Variants in MAX observed in about 807,000 individuals in gnomAD.
The protein encoded by MAX is protein max.
Under a neutral mutation model 22.3 loss-of-function variants are expected in MAX, and 3 were observed. The observed-to-expected ratio is 0.13, with a 90% CI of 0.06 to 0.35. The LOEUF is 0.35. MAX is among the 10% of genes least tolerant of loss of function. The pLI is 1.00. For synonymous variants in MAX, 72 were observed against 77.7 expected (o/e 0.93, Z 0.39); for missense variants, 119 against 209.4 (o/e 0.57, Z 2.66).
Position 65,076,314 on chromosome 14 carries a change from T to C in MAX, c.*162A>G. Reference sequence around the variant, plus strand: ...AAATGGGGAAGGAGAACGAGAGCTGTTGTCCAAGAGCTTCTACGTAAAAAT... The same window carrying C: ...AAATGGGGAAGGAGAACGAGAGCTGCTGTCCAAGAGCTTCTACGTAAAAAT... On this transcript the variant is annotated 3_prime_UTR_variant, in exon 5 of 5. Transcript: ENST00000358664. The surrounding 1 kb of genome is among the most constrained non-coding windows in gnomAD (Gnocchi z 6.6). 1 of 1,483,490 alleles carries C rather than the reference T, an allele frequency of 6.7e-7. No individual in the cohort carries two copies. Among genetic ancestry groups the C allele is most frequent in the South Asian group, 1.3e-5 (1 of 75,184 alleles). 91.9% of individuals were successfully genotyped at this position (1,483,490 alleles called of 1,614,324 possible).
At chr14:65,022,071 A>G (rs1487603621) in intron 3 of MAX, 3 of 455,950 alleles carry the variant, frequency 6.6e-6, no homozygotes, top group Non-Finnish European at 1.3e-5. Context: ...CCCGGAATCA[A>G]CAAGAGATGC....
intron 3 of MAX, chr14:65,061,639 G>C: frequency 4.1e-6 from 1 of 241,528 alleles, no homozygotes; most frequent in Non-Finnish European, 8.4e-6. Flanking sequence ...TGGCATCTGA[G>C]TATTACGGCA....
In MAX at chr14:65,088,159, T is replaced by C. The variant is rs371725453; in HGVS notation, c.171+5549A>G. ...TAAATTGCCCAGTCTCAGGTATGTCTTTATCAGCAGCACGAAAACGGACTA... is the reference window on the plus strand; with the variant it reads ...TAAATTGCCCAGTCTCAGGTATGTCCTTATCAGCAGCACGAAAACGGACTA... On this transcript the variant is annotated intron_variant, in intron 3 of 4. Transcript: ENST00000358664. This position sits in a 1 kb window ranked among gnomAD's most constrained non-coding sequence, Gnocchi z 5.2. 6.6e-6 allele frequency among the ~76,000 whole-genome samples: 1 copy of C among 152,258 alleles called. No individual in the cohort carries two copies. The highest frequency in any genetic ancestry group is 6.5e-5 in the Admixed American group (1 of 15,302).
downstream of MAX, among the ~76,000 whole-genome samples, chr14:65,073,851 T>C (rs2063012796): frequency 2.0e-5 from 3 of 152,202 alleles, no homozygotes; most frequent in Admixed American, 2.0e-4. Context: ...CCGCTCACCA[T>C]GTCAATCAGG....
Position 65,076,114 on chromosome 14 carries a change from T to G in MAX, c.*362A>C. The G allele has an allele frequency of 2.3e-6, 3 of 1,280,380 alleles. No homozygotes were observed. The highest frequency in any genetic ancestry group is 2.0e-6 in the Non-Finnish European group (2 of 1,011,298). The allele number at this position is 1,280,380 out of a possible 1,614,324, so 79.3% of individuals were successfully genotyped here. On this transcript the variant is annotated 3_prime_UTR_variant, in exon 5 of 5. Transcript: ENST00000358664. This position sits in a 1 kb window ranked among gnomAD's most constrained non-coding sequence, Gnocchi z 6.6. The stretch of plus-strand genomic sequence containing the variant: ...GGGCAGGGCAGGCGTCCCCCGGGCA[T>G]GTGCCCGGCAGGGCTGGAGGAGCTG...
At chr14:65,085,662 G>C (rs1209234888) in intron 3 of MAX, among the ~76,000 whole-genome samples, 2 of 152,166 alleles carry the variant, frequency 1.3e-5, no homozygotes, top group Non-Finnish European at 2.9e-5. Flanking sequence ...TCAAGGGAGA[G>C]TTCTAAGGGA....
At position 65,077,989 on chromosome 14, in the gene MAX, A is replaced by G. The variant is rs1193255946; in HGVS notation, c.219T>C (p.Tyr73=). 1.2e-6 allele frequency: 2 copies of G among 1,614,006 alleles called. No homozygotes were observed. Among genetic ancestry groups the G allele is most frequent in the Non-Finnish European group, 1.7e-6 (2 of 1,180,028 alleles). ...GGTGTGTGTGGTTTTTCCTTCGCATATACTGGATATATTCTGTGGCTTTGT... is the reference window on the plus strand; with the variant it reads ...GGTGTGTGTGGTTTTTCCTTCGCATGTACTGGATATATTCTGTGGCTTTGT... ...ILDKATEYIQ[Y]MRRKNHTHQQ... Residue 73 remains tyrosine (Y), a synonymous_variant, in exon 4 of 5, where the codon TAT becomes TAC. Coordinates refer to ENST00000358664, the MANE Select transcript of MAX (RefSeq NM_002382.5). This position sits in a 1 kb window ranked among gnomAD's most constrained non-coding sequence, Gnocchi z 6.3.
Position 65,044,172 on chromosome 14 carries a change from C to T in MAX, c.172-37888G>A, listed in dbSNP as rs2062423343. 2.0e-6 allele frequency: 3 copies of T among 1,464,574 alleles called. No individual in the cohort carries two copies. Among genetic ancestry groups the T allele is most frequent in the African/African-American group, 2.8e-5 (2 of 70,332 alleles). The allele number at this position is 1,464,574 out of a possible 1,614,324, so 90.7% of individuals were successfully genotyped here. On this transcript the variant is annotated intron_variant, in intron 3 of 3. Transcript: ENST00000341653. The surrounding 1 kb of genome is among the most constrained non-coding windows in gnomAD (Gnocchi z 5.5). ...AGTGTGGGGAGGGAAGGAAAGAAAACCAGAGCACCAAAACTAGAGTGCCAA... is the reference window on the plus strand; with the variant it reads ...AGTGTGGGGAGGGAAGGAAAGAAAATCAGAGCACCAAAACTAGAGTGCCAA...
intron 3 of MAX, among the ~76,000 whole-genome samples, chr14:65,065,249 T>C (rs1739722939): frequency 6.6e-6 from 1 of 152,194 alleles, no homozygotes; most frequent in South Asian, 2.1e-4. Context: ...CACACACATA[T>C]GCTCTGAGAC....
chr14:65,056,636 C>A (rs193018863), intron 3 of MAX, among the ~76,000 whole-genome samples: 1 of 152,282 alleles, frequency 6.6e-6, no homozygotes, highest in Admixed American at 6.5e-5. Flanking sequence ...TGCGAATTGT[C>A]TGCCAGTTCA....
rs1442356190 is a variant in MAX, at chr14:65,028,428, T to G, written c.172-22144A>C. Among the ~76,000 whole-genome samples, 6 of 152,256 alleles carry G rather than the reference T, an allele frequency of 3.9e-5. No homozygotes were observed. Among genetic ancestry groups the G allele is most frequent in the Non-Finnish European group, 5.9e-5 (4 of 68,046 alleles). Reference sequence around the variant, plus strand: ...TAAGCCATTTCTCTAAGACAGTGGCTTATTGAGATTTTATGCCATTTTCTT... The same window carrying G: ...TAAGCCATTTCTCTAAGACAGTGGCGTATTGAGATTTTATGCCATTTTCTT... On this transcript the variant is annotated intron_variant, in intron 3 of 3. Coordinates refer to the MAX transcript ENST00000341653. This position sits in a 1 kb window ranked among gnomAD's most constrained non-coding sequence, Gnocchi z 4.4.
chr14:65,065,138 G>A (rs78162919), intron 3 of MAX, among the ~76,000 whole-genome samples: 1 of 43,564 alleles, frequency 2.3e-5, no homozygotes, highest in Admixed American at 1.4e-4. Context: ...ACTGTATGAC[G>A]GGGAAAAGCA....
At chr14:65,061,148 G>A (rs539254179) in intron 3 of MAX, 3 of 1,612,720 alleles carry the variant, frequency 1.9e-6, no homozygotes, top group South Asian at 2.2e-5. Context: ...GACCACCGGG[G>A]TGATTAACTG....
Position 65,075,136 on chromosome 14 carries a change from A to G in MAX, c.*1340T>C. The G allele has an allele frequency of 9.8e-7, 1 of 1,020,100 alleles. No individual in the cohort carries two copies. The highest frequency in any genetic ancestry group is 1.2e-6 in the Non-Finnish European group (1 of 850,390). 63.2% of individuals were successfully genotyped at this position (1,020,100 alleles called of 1,614,324 possible). A position where few individuals can be genotyped will look rare whatever the true frequency, so the allele number is the denominator to read the frequency against. On this transcript the variant is annotated 3_prime_UTR_variant, in exon 5 of 5. Transcript: ENST00000358664. The surrounding 1 kb of genome is among the most constrained non-coding windows in gnomAD (Gnocchi z 4.1). ...AGACACCACCACCAAGAAGGATAAA[A>G]TAAGTTTTTATTTATAGTCTTATAG...
intron 2 of MAX, among the ~76,000 whole-genome samples, chr14:65,094,832 T>C (rs1347419576): frequency 2.0e-5 from 3 of 152,210 alleles, no homozygotes; most frequent in Non-Finnish European, 4.4e-5. Flanking sequence ...TCATCACACC[T>C]ACACTCTAGG....
rs2062062177 is a variant in MAX at position 65,030,620 on chromosome 14, T to C, written c.172-24336A>G. 1.3e-5 allele frequency among the ~76,000 whole-genome samples: 2 copies of C among 152,014 alleles called. No homozygotes were observed. Among genetic ancestry groups the C allele is most frequent in the African/African-American group, 4.8e-5 (2 of 41,398 alleles). Reference sequence around the variant, plus strand: ...AGCCAGGTGTGGTGGCATGCATCTGTAGCCTCAGCTGCTTAGGAGGCTGAG... The same window carrying C: ...AGCCAGGTGTGGTGGCATGCATCTGCAGCCTCAGCTGCTTAGGAGGCTGAG... On this transcript the variant is annotated intron_variant, in intron 3 of 3. Coordinates refer to the MAX transcript ENST00000341653. The surrounding 1 kb of genome is among the most constrained non-coding windows in gnomAD (Gnocchi z 4.5).
In MAX at chr14:65,054,424, T is replaced by A. The variant is rs954316450; in HGVS notation, c.171+39284A>T. The A allele has an allele frequency of 4.0e-6, 3 of 750,718 alleles. No individual in the cohort carries two copies. Among genetic ancestry groups the A allele is most frequent in the Non-Finnish European group, 6.4e-6 (3 of 465,242 alleles). 46.5% of individuals were successfully genotyped at this position (750,718 alleles called of 1,614,324 possible). A position where few individuals can be genotyped will look rare whatever the true frequency, so the allele number is the denominator to read the frequency against. Reference sequence around the variant, plus strand: ...TGTGCTCAGCCAGTGGGGCTTTAAATAACACTGCTGGGAAAACCATGCCTC... The same window carrying A: ...TGTGCTCAGCCAGTGGGGCTTTAAAAAACACTGCTGGGAAAACCATGCCTC... On this transcript the variant is annotated intron_variant, in intron 3 of 3. Transcript: ENST00000341653. This position sits in a 1 kb window ranked among gnomAD's most constrained non-coding sequence, Gnocchi z 4.4.
chr14:65,035,181 G>C (rs554484308), intron 3 of MAX, among the ~76,000 whole-genome samples: 2 of 152,150 alleles, frequency 1.3e-5, no homozygotes, highest in African/African-American at 4.8e-5. Flanking sequence ...TTAGAGTGTT[G>C]GCTGCCCGCC....
chr14:65,010,883 A>G (rs1187457145), intron 3 of MAX, among the ~76,000 whole-genome samples: 1 of 152,216 alleles, frequency 6.6e-6, no homozygotes, highest in African/African-American at 2.4e-5. Flanking sequence ...ATAGTAGAGT[A>G]GCCATTAGCC....
Sources: gnomAD v4.1 joint callset for allele counts (sites outside exome capture counted in the v4.1 genomes callset) on GRCh38, gnomAD v4.1.1 for gene constraint, Gnocchi (gnomAD v3.1) non-coding constraint, MANE v1.5 for transcripts, NCBI Gene and HGNC (gene_info 2026-07-23, HGNC 2026-07-21) for gene names.